REDIC1: variants seen among roughly 807,000 people sequenced by gnomAD.
REDIC1 encodes the protein HEI10 Interacting Protein 1.
the REDIC1 span, chr12:39,644,044 C>T: frequency 1.4e-6 from 1 of 721,694 alleles, no homozygotes; most frequent in East Asian, 3.0e-5. Context: ...TGGTTGCTCT[C>T]TTAAATTAGA....
chr12:39,837,266 C>T, the REDIC1 span, among the ~76,000 whole-genome samples: 1 of 150,184 alleles, frequency 6.7e-6, no homozygotes, highest in Non-Finnish European at 1.5e-5. Flanking sequence ...ATAAATGGTG[C>T]TGGGAAAACT....
the REDIC1 span, among the ~76,000 whole-genome samples, chr12:39,692,403 T>C: frequency 6.6e-6 from 1 of 151,982 alleles, no homozygotes; most frequent in Non-Finnish European, 1.5e-5. Context: ...ATTTCTTCAA[T>C]TGTATTTCAT....
the REDIC1 span, among the ~76,000 whole-genome samples, chr12:39,795,221 C>CT: frequency 2.7e-4 from 41 of 151,780 alleles, no homozygotes; most frequent in Admixed American, 2.4e-3. Context: ...TGTGTCACAT[C>CT]TTTTTTTTAA....
the REDIC1 span, chr12:39,716,659 T>C: frequency 2.4e-6 from 2 of 837,758 alleles, no homozygotes; most frequent in Non-Finnish European, 1.9e-6. Context: ...TGTTGTTAGC[T>C]AAATTTGTTT....
the REDIC1 span, among the ~76,000 whole-genome samples, chr12:39,663,683 T>G: frequency 6.6e-6 from 1 of 152,006 alleles, no homozygotes; most frequent in Non-Finnish European, 1.5e-5. Flanking sequence ...ATTAATGGTT[T>G]GATTTTCTGG....
the REDIC1 span, among the ~76,000 whole-genome samples, chr12:39,779,034 A>T: frequency 6.6e-6 from 1 of 152,210 alleles, no homozygotes; most frequent in Admixed American, 6.5e-5. Context: ...CTTTGTGACA[A>T]CTAGAATATG....
At chr12:39,799,248 C>T in the REDIC1 span, among the ~76,000 whole-genome samples, 5 of 111,282 alleles carry the variant, frequency 4.5e-5, no homozygotes, top group Non-Finnish European at 8.7e-5. Context: ...TGCCACTATG[C>T]TTAGCCTTTT....
the REDIC1 span, among the ~76,000 whole-genome samples, chr12:39,714,995 T>A: frequency 6.6e-6 from 1 of 152,040 alleles, no homozygotes; most frequent in Non-Finnish European, 1.5e-5. Context: ...TTGTGAAGAT[T>A]TTCTCCCACT....
At chr12:39,693,745 G>GT in the REDIC1 span, among the ~76,000 whole-genome samples, 8 of 152,098 alleles carry the variant, frequency 5.3e-5, no homozygotes, top group Admixed American at 3.3e-4. Flanking sequence ...TACAAATACT[G>GT]TAAGTGAACA....
the REDIC1 span, among the ~76,000 whole-genome samples, chr12:39,886,968 C>A: frequency 1.3e-5 from 2 of 152,122 alleles, no homozygotes; most frequent in Non-Finnish European, 2.9e-5. Flanking sequence ...AAAATGCAAA[C>A]TTGATTGATA....
the REDIC1 span, among the ~76,000 whole-genome samples, chr12:39,735,889 G>A: frequency 6.6e-6 from 1 of 152,192 alleles, no homozygotes; most frequent in African/African-American, 2.4e-5. Context: ...GTGTAACTTT[G>A]GAAGATGGGG....
the REDIC1 span, among the ~76,000 whole-genome samples, chr12:39,744,186 T>C: frequency 6.6e-6 from 1 of 152,106 alleles, no homozygotes. Flanking sequence ...TGGGGTGAAA[T>C]ACTTAAATAA....
the REDIC1 span, among the ~76,000 whole-genome samples, chr12:39,848,679 G>A: frequency 3.2e-3 from 491 of 152,154 alleles, 1 homozygote; most frequent in African/African-American, 0.011. Context: ...AGGTATATAT[G>A]CAGAGGAATG....
chr12:39,629,608 A>G, the REDIC1 span, among the ~76,000 whole-genome samples: 1 of 152,158 alleles, frequency 6.6e-6, no homozygotes, highest in South Asian at 2.1e-4. Context: ...CTTTTTGTAA[A>G]GGAAAGAGCC....
the REDIC1 span, among the ~76,000 whole-genome samples, chr12:39,659,623 A>T: frequency 6.6e-6 from 1 of 151,946 alleles, no homozygotes; most frequent in Non-Finnish European, 1.5e-5. Flanking sequence ...TTTATCTTCC[A>T]TGTATCTATT....
At chr12:39,759,052 A>G in the REDIC1 span, 2 of 152,364 alleles carry the variant, frequency 1.3e-5, no homozygotes, top group South Asian at 2.1e-4. Flanking sequence ...AAGAAAGGGG[A>G]AAAATGGTTT....
chr12:39,688,749 G>T, the REDIC1 span, among the ~76,000 whole-genome samples: 1 of 152,156 alleles, frequency 6.6e-6, no homozygotes, highest in African/African-American at 2.4e-5. Flanking sequence ...TACAATAGCA[G>T]TAAGGATGAA....
chr12:39,822,524 A>ATAAGGGGGCTCCCTTAT, the REDIC1 span, among the ~76,000 whole-genome samples: 1 of 152,272 alleles, frequency 6.6e-6, no homozygotes, highest in African/African-American at 2.4e-5. Context: ...CCCCTTTTTA[A>ATAAGGGGGCTCCCTTAT]TAAATTCCAA....
chr12:39,801,323 AAATG>A, the REDIC1 span, among the ~76,000 whole-genome samples: 1 of 103,680 alleles, frequency 9.6e-6, no homozygotes, highest in Non-Finnish European at 1.9e-5. Flanking sequence ...ATTTTTGAAT[AAATG>A]AATGAGGAAA....
Sources: allele counts gnomAD v4.1 joint callset (sites outside exome capture counted in the v4.1 genomes callset), GRCh38; gene constraint gnomAD v4.1.1; transcripts MANE v1.5; gene names NCBI Gene and HGNC (gene_info 2026-07-23, HGNC 2026-07-21).